The following SMAD3 variants were observed in gnomAD, a reference collection of about 807,000 sequenced individuals.
SMAD3 encodes MAD homolog 3.
In SMAD3, 12 loss-of-function variants were observed where a neutral mutation model predicts 51.8. That is an observed-to-expected ratio of 0.23 (90% confidence interval 0.15 to 0.38). The LOEUF (loss-of-function observed/expected upper bound fraction) is 0.38. Ranked by LOEUF, SMAD3 falls within the 10% of genes least tolerant of loss-of-function variation. SMAD3 has a pLI of 1.00. For synonymous variants in SMAD3, 238 were observed against 227.7 expected, an observed-to-expected ratio of 1.05 and a Z score of -0.41; for missense variants, 294 against 565.6, an observed-to-expected ratio of 0.52 and a Z score of 4.87.
chr15:67,119,063 T>C (rs11853700), intron 1 of SMAD3, among the ~76,000 whole-genome samples: 5,460 of 152,262 alleles, frequency 0.036, 333 homozygotes, highest in African/African-American at 0.13. Context: ...CATCATTGTA[T>C]GGATGAGGCC....
chr15:67,133,615 AG>A (rs1482887377), intron 1 of SMAD3, among the ~76,000 whole-genome samples: 1 of 152,178 alleles, frequency 6.6e-6, no homozygotes, highest in African/African-American at 2.4e-5. Flanking sequence ...AAATTAGGAA[AG>A]GGTTGGGAGG....
chr15:67,078,317 T>C (rs1003406133), intron 1 of SMAD3, among the ~76,000 whole-genome samples: 1 of 152,184 alleles, frequency 6.6e-6, no homozygotes, highest in Non-Finnish European at 1.5e-5. Context: ...CTCTGCTGGG[T>C]CTTCCCTGTG....
intron 4 of SMAD3, among the ~76,000 whole-genome samples, chr15:67,169,069 G>A (rs1235560768): frequency 6.6e-6 from 1 of 152,188 alleles, no homozygotes; most frequent in Non-Finnish European, 1.5e-5. Flanking sequence ...AGCGGTCATG[G>A]TGTAAGCATT....
intron 1 of SMAD3, among the ~76,000 whole-genome samples, chr15:67,139,507 T>G (rs1385638667): frequency 6.6e-6 from 1 of 152,194 alleles, no homozygotes; most frequent in African/African-American, 2.4e-5. Flanking sequence ...GAAAACTTCC[T>G]TAATGACTGT....
At chr15:67,133,066 CTGTT>C (rs1387082303) in intron 1 of SMAD3, among the ~76,000 whole-genome samples, 1 of 152,202 alleles carries the variant, frequency 6.6e-6, no homozygotes, top group Non-Finnish European at 1.5e-5. Context: ...CTTGTCCAAA[CTGTT>C]TGTGGCCCGT....
At chr15:67,106,533 A>C (rs1031569544) in intron 1 of SMAD3, among the ~76,000 whole-genome samples, 3 of 151,424 alleles carry the variant, frequency 2.0e-5, no homozygotes, top group African/African-American at 7.3e-5. Context: ...CTGAGACCCT[A>C]CTCCAGCTTG....
chr15:67,118,161 G>A (rs1961177821), intron 1 of SMAD3, among the ~76,000 whole-genome samples: 1 of 152,250 alleles, frequency 6.6e-6, no homozygotes, highest in East Asian at 1.9e-4. Flanking sequence ...GCCTGGCACA[G>A]CAATTGGTGC....
chr15:67,096,253 C>T (rs1032059851), intron 1 of SMAD3, among the ~76,000 whole-genome samples: 2 of 152,196 alleles, frequency 1.3e-5, no homozygotes, highest in Non-Finnish European at 2.9e-5. Flanking sequence ...CTTTTCCTTT[C>T]AGATCTTCCT....
chr15:67,173,300 C>T (rs188696728), intron 5 of SMAD3, among the ~76,000 whole-genome samples: 150 of 152,090 alleles, frequency 9.9e-4, no homozygotes, highest in African/African-American at 3.4e-3. Context: ...ACCTGTAATG[C>T]GTTGTGCCAG....
intron 6 of SMAD3, 74 bp from the exon 7 acceptor site, chr15:67,184,653 C>G (rs930259496): frequency 1.7e-5 from 26 of 1,575,428 alleles, no homozygotes; most frequent in Non-Finnish European, 2.2e-5. Context: ...GCCTCCTTTG[C>G]GAGCCTCAGG....
At chr15:67,106,814 A>G (rs923133899) in intron 1 of SMAD3, among the ~76,000 whole-genome samples, 12 of 152,220 alleles carry the variant, frequency 7.9e-5, no homozygotes, top group African/African-American at 2.2e-4. Context: ...TCAGTCCTAC[A>G]TCTCAGTCTT....
At position 67,164,957 on chromosome 15, in the gene SMAD3, G is replaced by A. The variant is rs886038803; in HGVS notation, c.269G>A (p.Arg90His). Reference protein sequence around the residue: ...RKGLPHVIYCRLWRWPDLHSH... With the variant: ...RKGLPHVIYCHLWRWPDLHSH... ...GGGCTCCCTCATGTCATCTACTGCCGCCTGTGGCGATGGCCAGACCTGCAC... is the reference window on the plus strand; with the variant it reads ...GGGCTCCCTCATGTCATCTACTGCCACCTGTGGCGATGGCCAGACCTGCAC... The change falls in exon 2 of 9, where the codon CGC becomes CAC. Residue 90 changes from arginine (R) to histidine (H), a missense_variant. Arg to His is a conservative substitution (Grantham distance 29). Transcript: ENST00000327367. The A allele has an allele frequency of 6.2e-7, 1 of 1,613,890 alleles. No individual in the cohort carries two copies. Among genetic ancestry groups the A allele is most frequent in the Non-Finnish European group, 8.5e-7 (1 of 1,180,026 alleles).
chr15:67,087,208 G>A (rs184964431), intron 1 of SMAD3, among the ~76,000 whole-genome samples: 2 of 152,250 alleles, frequency 1.3e-5, no homozygotes, highest in East Asian at 3.9e-4. Flanking sequence ...CTAACGTGAT[G>A]TCAGTGTCTC....
intron 1 of SMAD3, among the ~76,000 whole-genome samples, chr15:67,079,995 C>T (rs1274620744): frequency 6.6e-6 from 1 of 152,178 alleles, no homozygotes; most frequent in Admixed American, 6.5e-5. Flanking sequence ...CATAATTTAT[C>T]AAACAAACCA....
At chr15:67,166,629 C>T (rs1962597009) in intron 3 of SMAD3, 150 bp from the exon 4 acceptor site, 2 of 702,950 alleles carry the variant, frequency 2.8e-6, no homozygotes, top group South Asian at 3.1e-5. Context: ...GACAACAGAA[C>T]CAAGAGCTGG....
intron 1 of SMAD3, among the ~76,000 whole-genome samples, chr15:67,148,616 T>C (rs1962042809): frequency 6.6e-6 from 1 of 152,192 alleles, no homozygotes; most frequent in African/African-American, 2.4e-5. Context: ...CCCTGCTGTT[T>C]TTAATTGCAC....
chr15:67,158,727 C>T (rs1962348417), intron 1 of SMAD3, among the ~76,000 whole-genome samples: 1 of 152,208 alleles, frequency 6.6e-6, no homozygotes, highest in African/African-American at 2.4e-5. Flanking sequence ...TGAGAATGAT[C>T]TGAGATAAGG....
At chr15:67,085,792 T>C (rs1960375353) in intron 1 of SMAD3, among the ~76,000 whole-genome samples, 1 of 152,042 alleles carries the variant, frequency 6.6e-6, no homozygotes, top group South Asian at 2.1e-4. Flanking sequence ...CATAGATGCT[T>C]ATGTAAAGCT....
intron 1 of SMAD3, chr15:67,146,856 G>A (rs1431084085): frequency 6.6e-6 from 1 of 152,178 alleles, no homozygotes; most frequent in African/African-American, 2.4e-5. Flanking sequence ...AGGGAAACTC[G>A]GAAGTAGCGG....
Sources: gnomAD v4.1 joint callset for allele counts (sites outside exome capture counted in the v4.1 genomes callset) on GRCh38, gnomAD v4.1.1 for gene constraint, MANE v1.5 for transcripts, NCBI Gene and HGNC (gene_info 2026-07-23, HGNC 2026-07-21) for gene names.